The following USP34 variants were observed in gnomAD, a reference collection of about 807,000 sequenced individuals.
USP34 encodes the protein ubiquitin carboxyl-terminal hydrolase 34.
In USP34, 70 loss-of-function variants were observed where a neutral mutation model predicts 460.3. That is an observed-to-expected ratio of 0.15 (90% CI 0.13 to 0.19). The LOEUF (loss-of-function observed/expected upper bound fraction) is 0.19. Among genes scored for constraint, USP34 ranks in the 10% least tolerant of loss-of-function variants. USP34 has a pLI of 1.00. For synonymous variants in USP34, 1,647 were observed against 1,405.3 expected, an observed-to-expected ratio of 1.17 and a Z score of -3.85; for missense variants, 3,985 against 4,236.2, an observed-to-expected ratio of 0.94 and a Z score of 1.65.
intron 2 of USP34, among the ~76,000 whole-genome samples, chr2:61,411,971 C>A (rs1342564312): frequency 1.3e-5 from 2 of 151,842 alleles, no homozygotes; most frequent in South Asian, 2.1e-4. Context: ...GGGTGGATCA[C>A]CTGAGGTCAG....
intron 5 of USP34, among the ~76,000 whole-genome samples, chr2:61,391,294 A>G (rs1479222907): frequency 6.6e-6 from 1 of 152,006 alleles, no homozygotes; most frequent in South Asian, 2.1e-4. Context: ...AGAAACACAA[A>G]AATTAGCCAG....
chr2:61,333,677 C>T (rs902579579), intron 19 of USP34, among the ~76,000 whole-genome samples: 3 of 151,910 alleles, frequency 2.0e-5, no homozygotes, highest in Admixed American at 1.3e-4. Flanking sequence ...TCTCAAACTC[C>T]AAAGAAAACA....
At chr2:61,311,316 C>G (rs966154515) in intron 27 of USP34, among the ~76,000 whole-genome samples, 2 of 152,108 alleles carry the variant, frequency 1.3e-5, no homozygotes, top group African/African-American at 4.8e-5. Context: ...GGAGCCCTCA[C>G]CAGATGCTGG....
chr2:61,373,705 A>G (rs2103845286), intron 8 of USP34, among the ~76,000 whole-genome samples: 1 of 152,352 alleles, frequency 6.6e-6, no homozygotes, highest in South Asian at 2.1e-4. Flanking sequence ...TACTCGCATT[A>G]GTTATATTCT....
chr2:61,227,005 C>G, intron 62 of USP34, 62 bp downstream of exon 62: 7 of 1,517,806 alleles, frequency 4.6e-6, no homozygotes, highest in Non-Finnish European at 6.1e-6. Flanking sequence ...TAGTGGTAAA[C>G]AATTATGTAA....
At chr2:61,426,020 T>C (rs745790322) in intron 1 of USP34, among the ~76,000 whole-genome samples, 10 of 152,014 alleles carry the variant, frequency 6.6e-5, no homozygotes, top group Non-Finnish European at 1.2e-4. Flanking sequence ...ACACACACCC[T>C]GGGCCAGAAG....
At chr2:61,402,547 C>T (rs370828061) in intron 3 of USP34, among the ~76,000 whole-genome samples, 39 of 152,288 alleles carry the variant, frequency 2.6e-4, no homozygotes, top group South Asian at 2.5e-3. Flanking sequence ...AATCTTTTAA[C>T]CTCTGTAGGC....
chr2:61,293,440 T>C, intron 33 of USP34, 24 bp downstream of exon 33: 3 of 1,585,826 alleles, frequency 1.9e-6, no homozygotes, highest in Non-Finnish European at 2.6e-6. Flanking sequence ...CTGTAACTAG[T>C]TGAAACCATA....
intron 48 of USP34, among the ~76,000 whole-genome samples, chr2:61,254,416 C>G (rs1174147144): frequency 4.6e-5 from 7 of 152,210 alleles, no homozygotes; most frequent in Admixed American, 4.6e-4. Context: ...TGGCAATAAT[C>G]TGATGCCATC....
intron 1 of USP34, among the ~76,000 whole-genome samples, chr2:61,457,288 A>C (rs997041439): frequency 2.0e-5 from 3 of 152,206 alleles, no homozygotes; most frequent in African/African-American, 4.8e-5. Context: ...AATAAGGTGC[A>C]GTAGCCATTT....
intron 75 of USP34, among the ~76,000 whole-genome samples, chr2:61,198,211 CT>C (rs1215630237): frequency 6.6e-6 from 1 of 152,164 alleles, no homozygotes; most frequent in African/African-American, 2.4e-5. Flanking sequence ...AATTCCTCTA[CT>C]TTTTTCTGTA....
intron 33 of USP34, among the ~76,000 whole-genome samples, chr2:61,290,953 A>T (rs949686851): frequency 3.3e-5 from 5 of 152,164 alleles, no homozygotes; most frequent in African/African-American, 1.2e-4. Flanking sequence ...AGGAAAACAG[A>T]GACACTAGAC....
At chr2:61,222,081 T>C (rs1224365604) in intron 65 of USP34, among the ~76,000 whole-genome samples, 1 of 152,206 alleles carries the variant, frequency 6.6e-6, no homozygotes. Flanking sequence ...TGAAGATTTG[T>C]ATCCTTTAAG....
chr2:61,325,571 ATT>A, intron 20 of USP34, 114 bp from the exon 21 acceptor site: 2 of 548,384 alleles, frequency 3.6e-6, no homozygotes, highest in Non-Finnish European at 5.8e-6. Flanking sequence ...ATTCATAATT[ATT>A]TTAACTAAGT....
At chr2:61,371,759 G>A (rs924068767) in intron 8 of USP34, among the ~76,000 whole-genome samples, 3 of 152,106 alleles carry the variant, frequency 2.0e-5, no homozygotes, top group Non-Finnish European at 4.4e-5. Flanking sequence ...GCAACTTCCA[G>A]TCCTGCAAGC....
At chr2:61,234,826 G>A (rs981210305) in intron 57 of USP34, among the ~76,000 whole-genome samples, 4 of 151,960 alleles carry the variant, frequency 2.6e-5, no homozygotes, top group Admixed American at 2.0e-4. Context: ...TAGTAGAGAT[G>A]TAGTTTTGCA....
At chr2:61,381,813 G>T (rs1692984005) in intron 6 of USP34, among the ~76,000 whole-genome samples, 1 of 152,008 alleles carries the variant, frequency 6.6e-6, no homozygotes. Flanking sequence ...AATGAAAACT[G>T]TTCTGAACTA....
chr2:61,449,938 C>T (rs368825281), intron 1 of USP34, among the ~76,000 whole-genome samples: 5 of 152,142 alleles, frequency 3.3e-5, no homozygotes, highest in African/African-American at 9.6e-5. Flanking sequence ...TGGTGGCGCA[C>T]GCCTGTAGTC....
intron 20 of USP34, among the ~76,000 whole-genome samples, chr2:61,329,076 C>T (rs914225475): frequency 1.3e-5 from 2 of 152,192 alleles, no homozygotes; most frequent in Non-Finnish European, 2.9e-5. Context: ...GGCTGAAGTG[C>T]AGTGGTGCGA....
Sources: gnomAD v4.1 joint callset for allele counts (sites outside exome capture counted in the v4.1 genomes callset) on GRCh38, gnomAD v4.1.1 for gene constraint, MANE v1.5 for transcripts, NCBI Gene and HGNC (gene_info 2026-07-23, HGNC 2026-07-21) for gene names.